The following MEI4 variants were observed in gnomAD, a reference collection of about 807,000 sequenced individuals.
The protein encoded by MEI4 is meiosis-specific protein MEI4.
In MEI4, 27 loss-of-function variants were observed where a neutral mutation model predicts 31.4. That is an observed-to-expected ratio of 0.86 (90% confidence interval 0.63 to 1.19). MEI4 has a LOEUF of 1.19. Ranked by LOEUF, MEI4 falls within the 50% of genes most tolerant of loss-of-function variation. The pLI, the probability that MEI4 is intolerant of heterozygous loss-of-function variation, is 0.00. For missense variants in MEI4, 329 were observed against 398.9 expected, an observed-to-expected ratio of 0.82 and a Z score of 1.49; for synonymous variants, 122 against 145.4, an observed-to-expected ratio of 0.84 and a Z score of 1.16.
chr6:77,784,274 T>C (rs1768672913), intron 3 of MEI4, among the ~76,000 whole-genome samples: 1 of 152,130 alleles, frequency 6.6e-6, no homozygotes. Context: ...TTTTGATGAT[T>C]TAATATGGGT....
intron 4 of MEI4, among the ~76,000 whole-genome samples, chr6:77,878,930 A>G (rs992520660): frequency 1.3e-5 from 2 of 152,122 alleles, no homozygotes; most frequent in African/African-American, 4.8e-5. Flanking sequence ...GAAGGTGGAA[A>G]GCATTTGAAA....
chr6:77,885,196 T>A (rs1400753203), intron 4 of MEI4, among the ~76,000 whole-genome samples: 1 of 151,776 alleles, frequency 6.6e-6, no homozygotes, highest in African/African-American at 2.4e-5. Context: ...TTTTTTTTTT[T>A]TAATTTTGAG....
At chr6:77,774,975 T>C (rs1457389498) in intron 3 of MEI4, among the ~76,000 whole-genome samples, 1 of 152,088 alleles carries the variant, frequency 6.6e-6, no homozygotes, top group East Asian at 1.9e-4. Flanking sequence ...TTTCCTTGCC[T>C]CTTAACATCT....
At chr6:77,843,039 G>A (rs985986209) in intron 4 of MEI4, among the ~76,000 whole-genome samples, 1 of 151,134 alleles carries the variant, frequency 6.6e-6, no homozygotes, top group Non-Finnish European at 1.5e-5. Flanking sequence ...TCCAAAAATT[G>A]GAAGACAGAG....
chr6:77,821,739 T>G (rs1170859009), intron 3 of MEI4, among the ~76,000 whole-genome samples: 2 of 139,848 alleles, frequency 1.4e-5, no homozygotes, highest in Admixed American at 1.6e-4. Flanking sequence ...GAGGTTGTGG[T>G]GAGCTGAGAT....
chr6:77,684,449 C>G (rs2127650286), intron 1 of MEI4, among the ~76,000 whole-genome samples: 1 of 145,898 alleles, frequency 6.9e-6, no homozygotes, highest in South Asian at 2.2e-4. Flanking sequence ...TTCATTCTGT[C>G]TACTTTTTTT....
chr6:77,865,103 G>A (rs1770985400), intron 4 of MEI4, among the ~76,000 whole-genome samples: 1 of 152,072 alleles, frequency 6.6e-6, no homozygotes, highest in African/African-American at 2.4e-5. Context: ...GAAATTTATA[G>A]CACTAAATGC....
At chr6:77,824,906 A>T (rs1047382939) in intron 3 of MEI4, among the ~76,000 whole-genome samples, 1 of 152,182 alleles carries the variant, frequency 6.6e-6, no homozygotes, top group Non-Finnish European at 1.5e-5. Flanking sequence ...ATAGAAAAAG[A>T]ATCGTTCTTC....
chr6:77,763,839 G>A (rs1038155064), intron 3 of MEI4, among the ~76,000 whole-genome samples: 8 of 151,658 alleles, frequency 5.3e-5, no homozygotes, highest in African/African-American at 1.9e-4. Flanking sequence ...TTTCTAGACG[G>A]AGTCTCACTC....
At chr6:77,840,253 G>A (rs1770327041) in intron 4 of MEI4, among the ~76,000 whole-genome samples, 1 of 152,142 alleles carries the variant, frequency 6.6e-6, no homozygotes, top group Admixed American at 6.5e-5. Context: ...GCAGAATAGA[G>A]ATAACAAAGA....
chr6:77,737,252 A>G (rs908118916), intron 2 of MEI4, among the ~76,000 whole-genome samples: 17 of 152,252 alleles, frequency 1.1e-4, no homozygotes, highest in African/African-American at 3.9e-4. Context: ...AAGGCTATTT[A>G]GACAGAGTAA....
At chr6:77,807,351 T>A (rs1404301923) in intron 3 of MEI4, among the ~76,000 whole-genome samples, 1 of 152,158 alleles carries the variant, frequency 6.6e-6, no homozygotes, top group Non-Finnish European at 1.5e-5. Flanking sequence ...TCATGTCATT[T>A]TAGTCAAAAT....
Position 77,777,582 on chromosome 6 carries a change from A to G in MEI4, c.768+15917A>G, listed in dbSNP as rs552404700. Among the ~76,000 whole-genome samples, 10 of 152,306 alleles carry G rather than the reference A, an allele frequency of 6.6e-5. No individual in the cohort carries two copies. In the South Asian group the frequency reaches 2.1e-3, roughly 32 times the overall value. ...GCTATCAAATTTCCCTAAAGGAAAA[A>G]AGAGCAGCCAAATCATCCTACACTA... On this transcript the variant is annotated intron_variant, in intron 3 of 4. Coordinates refer to ENST00000684080, the MANE Select transcript of MEI4 (RefSeq NM_001322247.2).
At chr6:77,806,834 T>C (rs1187059870) in intron 3 of MEI4, among the ~76,000 whole-genome samples, 2 of 152,150 alleles carry the variant, frequency 1.3e-5, no homozygotes, top group Non-Finnish European at 2.9e-5. Context: ...GACTTGTTTT[T>C]GTAAATCAGG....
At chr6:77,790,423 A>T (rs1337965015) in intron 3 of MEI4, among the ~76,000 whole-genome samples, 1 of 151,992 alleles carries the variant, frequency 6.6e-6, no homozygotes, top group Non-Finnish European at 1.5e-5. Context: ...ATTGAATGAT[A>T]AAAAAGAAGA....
chr6:77,698,125 C>G (rs1489486331), intron 2 of MEI4, among the ~76,000 whole-genome samples: 1 of 152,078 alleles, frequency 6.6e-6, no homozygotes, highest in Admixed American at 6.6e-5. Context: ...CTTGGTAGAT[C>G]TTCCTCCATC....
intron 2 of MEI4, among the ~76,000 whole-genome samples, chr6:77,734,945 G>A (rs1459660089): frequency 6.6e-6 from 1 of 151,886 alleles, no homozygotes; most frequent in Non-Finnish European, 1.5e-5. Flanking sequence ...TTTTCTTTAA[G>A]AATGTTGAAT....
chr6:77,663,604 G>C (rs1389912489), intron 1 of MEI4, among the ~76,000 whole-genome samples: 2 of 152,158 alleles, frequency 1.3e-5, no homozygotes, highest in East Asian at 1.9e-4. Context: ...CACCAGAGTT[G>C]GGGAGTTTTA....
chr6:77,789,193 A>G (rs1042106709), intron 3 of MEI4, among the ~76,000 whole-genome samples: 1 of 152,116 alleles, frequency 6.6e-6, no homozygotes, highest in Non-Finnish European at 1.5e-5. Context: ...GGGAAAACTG[A>G]CTAGCCATAT....
Sources: gnomAD v4.1 joint callset for allele counts (sites outside exome capture counted in the v4.1 genomes callset) on GRCh38, gnomAD v4.1.1 for gene constraint, MANE v1.5 for transcripts, NCBI Gene and HGNC (gene_info 2026-07-23, HGNC 2026-07-21) for gene names.